Variants in MEI4 observed in about 807,000 individuals in gnomAD.
The protein encoded by MEI4 is meiotic double-stranded break formation protein 4.
In MEI4, 27 loss-of-function variants were observed where a neutral mutation model predicts 31.4. That is an observed-to-expected ratio of 0.86 (90% CI 0.63 to 1.19). MEI4 has a LOEUF of 1.19. Ranked by LOEUF, MEI4 falls within the 50% of genes most tolerant of loss-of-function variation. The probability of loss-of-function intolerance (pLI) is 0.00; values close to 1 mark genes in which losing one functional copy is unlikely to be tolerated. For missense variants in MEI4, 329 were observed against 398.9 expected, an observed-to-expected ratio of 0.82 and a Z score of 1.49; for synonymous variants, 122 against 145.4, an observed-to-expected ratio of 0.84 and a Z score of 1.16.
rs201574209 is a variant in MEI4 at position 77,680,928 on chromosome 6, T to TTTC, written c.-14-9728_-14-9727insCTT. Among the ~76,000 whole-genome samples, 1,227 of 152,302 alleles carry TTTC rather than the reference T, an allele frequency of 8.1e-3. 14 individuals carry two copies. The highest frequency in any genetic ancestry group is 0.027 in the African/African-American group (1,111 of 41,560). ...AGAAAATCTGTCTGTGGGACTGCAC[T>TTTC]TTGAGTTTGTTATCTTCAGTATACT... On this transcript the variant is annotated intron_variant, in intron 1 of 4. Coordinates refer to ENST00000684080, the MANE Select transcript of MEI4 (RefSeq NM_001322247.2).
At chr6:77,788,805 T>C (rs1768827581) in intron 3 of MEI4, among the ~76,000 whole-genome samples, 1 of 152,192 alleles carries the variant, frequency 6.6e-6, no homozygotes, top group African/African-American at 2.4e-5. Flanking sequence ...GAAGAATCAA[T>C]ATCGTGAAAA....
At chr6:77,774,970 T>C (rs921554759) in intron 3 of MEI4, among the ~76,000 whole-genome samples, 12 of 152,126 alleles carry the variant, frequency 7.9e-5, no homozygotes, top group Non-Finnish European at 1.3e-4. Context: ...GAATCTTTCC[T>C]TGCCTCTTAA....
rs1766794998 is a variant in MEI4 at position 77,924,393 on chromosome 6, A to AT, written c.*1052dup. The AT allele has an allele frequency of 6.6e-6, 1 of 151,864 alleles. No individual in the cohort carries two copies. Among genetic ancestry groups the AT allele is most frequent in the Admixed American group, 6.6e-5 (1 of 15,196 alleles). The allele number at this position is 151,864 out of a possible 1,614,324, so 9.4% of individuals were successfully genotyped here. On this transcript the variant is annotated 3_prime_UTR_variant, in exon 5 of 5. Transcript: ENST00000684080. ...AATTATCTTTGGAATTATTTCTAGC[A>AT]TTTTTGAAAAGATAATGCCTTTTTG...
At position 77,709,050 on chromosome 6, in the gene MEI4, C is replaced by T. The variant is rs551063610; in HGVS notation, c.232+18147C>T. Among the ~76,000 whole-genome samples, 209 of 152,214 alleles carry T rather than the reference C, an allele frequency of 1.4e-3. 1 individual carries two copies. Among genetic ancestry groups the T allele is most frequent in the African/African-American group, 4.4e-3 (183 of 41,522 alleles). On this transcript the variant is annotated intron_variant, in intron 2 of 4. Transcript: ENST00000684080. ...GAGGAAAGATATCATACCTTTTCTGCCTCTATGGCATTATTAATTATCTTG... is the reference window on the plus strand; with the variant it reads ...GAGGAAAGATATCATACCTTTTCTGTCTCTATGGCATTATTAATTATCTTG...
chr6:77,858,067 T>G (rs1014671129), intron 4 of MEI4, among the ~76,000 whole-genome samples: 9 of 152,218 alleles, frequency 5.9e-5, no homozygotes, highest in Non-Finnish European at 8.8e-5. Context: ...GTATAAGTTT[T>G]ATCTGTCATA....
chr6:77,873,209 A>G (rs916025393), intron 4 of MEI4, among the ~76,000 whole-genome samples: 1 of 152,232 alleles, frequency 6.6e-6, no homozygotes, highest in African/African-American at 2.4e-5. Context: ...ACTAGTTTAC[A>G]GTCCCACCAA....
intron 4 of MEI4, among the ~76,000 whole-genome samples, chr6:77,846,301 TTTC>T (rs1770485103): frequency 6.6e-6 from 1 of 152,092 alleles, no homozygotes; most frequent in African/African-American, 2.4e-5. Flanking sequence ...TCCATTTTGA[TTTC>T]ACTCCTTATA....
At chr6:77,781,142 C>T (rs2127690883) in intron 3 of MEI4, among the ~76,000 whole-genome samples, 1 of 152,218 alleles carries the variant, frequency 6.6e-6, no homozygotes, top group Non-Finnish European at 1.5e-5. Context: ...AAGTAATCCT[C>T]CTTCCTTAGC....
chr6:77,858,907 TA>T (rs71546075), intron 4 of MEI4, among the ~76,000 whole-genome samples: 890 of 82,946 alleles, frequency 0.011, 7 homozygotes, highest in African/African-American at 0.044. Context: ...TAGTTTCTTC[TA>T]AAAAAAAAAG....
chr6:77,838,993 A>C (rs957265774), intron 4 of MEI4, among the ~76,000 whole-genome samples: 2 of 152,132 alleles, frequency 1.3e-5, no homozygotes, highest in Admixed American at 1.3e-4. Context: ...GGCAAAAAAA[A>C]CTGCGGAATA....
intron 4 of MEI4, among the ~76,000 whole-genome samples, chr6:77,898,719 T>C (rs573170447): frequency 6.6e-6 from 1 of 152,188 alleles, no homozygotes; most frequent in African/African-American, 2.4e-5. Flanking sequence ...CAGCATTAAA[T>C]ATAAACATCC....
At chr6:77,858,879 T>G (rs534053925) in intron 4 of MEI4, among the ~76,000 whole-genome samples, 1 of 148,648 alleles carries the variant, frequency 6.7e-6, no homozygotes, top group South Asian at 2.1e-4. Context: ...AAAATAATTT[T>G]GTAAGGAAAG....
intron 3 of MEI4, among the ~76,000 whole-genome samples, chr6:77,770,911 T>G (rs1768297700): frequency 6.6e-6 from 1 of 152,020 alleles, no homozygotes; most frequent in African/African-American, 2.4e-5. Context: ...CCAAAAACAA[T>G]TGCAGCAAAA....
intron 2 of MEI4, among the ~76,000 whole-genome samples, chr6:77,697,898 A>T (rs368652978): frequency 1.3e-5 from 2 of 151,940 alleles, no homozygotes; most frequent in Non-Finnish European, 2.9e-5. Flanking sequence ...TGTGTGGGAG[A>T]CTAAGTCTCT....
At chr6:77,852,899 C>A (rs1582216496) in intron 4 of MEI4, among the ~76,000 whole-genome samples, 1 of 151,948 alleles carries the variant, frequency 6.6e-6, no homozygotes, top group East Asian at 1.9e-4. Flanking sequence ...ATCAATAAAG[C>A]CAATAAGACA....
At chr6:77,881,930 A>T (rs748520567) in intron 4 of MEI4, among the ~76,000 whole-genome samples, 12 of 152,242 alleles carry the variant, frequency 7.9e-5, no homozygotes, top group Non-Finnish European at 1.3e-4. Context: ...CAATTCAATT[A>T]TGATGGTAAC....
intron 1 of MEI4, among the ~76,000 whole-genome samples, chr6:77,665,625 A>G (rs1768615558): frequency 6.6e-6 from 1 of 152,210 alleles, no homozygotes; most frequent in East Asian, 1.9e-4. Flanking sequence ...ACGTGGGTGA[A>G]TAATCAGGTG....
At chr6:77,807,983 A>G (rs1769481876) in intron 3 of MEI4, among the ~76,000 whole-genome samples, 2 of 152,190 alleles carry the variant, frequency 1.3e-5, no homozygotes, top group Admixed American at 1.3e-4. Flanking sequence ...CTATAACAGC[A>G]ATACTATGTC....
chr6:77,703,021 T>A (rs1381096434), intron 2 of MEI4, among the ~76,000 whole-genome samples: 1 of 152,184 alleles, frequency 6.6e-6, no homozygotes, highest in Non-Finnish European at 1.5e-5. Flanking sequence ...TGTACTTTTT[T>A]ATATGTGAGC....
Sources: allele counts gnomAD v4.1 joint callset (sites outside exome capture counted in the v4.1 genomes callset), GRCh38; gene constraint gnomAD v4.1.1; transcripts MANE v1.5; gene names NCBI Gene and HGNC (gene_info 2026-07-23, HGNC 2026-07-21).